Variants in TET1 observed in about 807,000 individuals in gnomAD.
TET1 encodes tet methylcytosine dioxygenase 1.
TET1 carries 13 observed loss-of-function variants against 148.7 expected under a neutral mutation model. That is an observed-to-expected ratio of 0.09 (90% CI 0.06 to 0.14). TET1 has a LOEUF of 0.14. Ranked by LOEUF, TET1 falls within the 10% of genes least tolerant of loss-of-function variation. The pLI, the probability that TET1 is intolerant of heterozygous loss-of-function variation, is 1.00. For missense variants in TET1, 2,182 were observed against 2,553.8 expected (o/e 0.85, Z 3.14); for synonymous variants, 907 against 937.2 (o/e 0.97, Z 0.59).
Position 68,645,420 on chromosome 10 carries a change from G to T in TET1, c.2691G>T (p.Leu897=). 5 of 1,613,978 alleles carry T rather than the reference G, an allele frequency of 3.1e-6. No individual in the cohort carries two copies. Among genetic ancestry groups the T allele is most frequent in the Non-Finnish European group, 4.2e-6 (5 of 1,180,030 alleles). The change falls in exon 4 of 12, where the codon CTG becomes CTT. Residue 897 remains leucine (L), a synonymous_variant. Transcript: ENST00000373644. Reference sequence around the variant, plus strand: ...AGCAAGTGGTAGCCATAGAGGCCCTGACTCAACTCTCAGAAGCCCCATCAG... The same window carrying T: ...AGCAAGTGGTAGCCATAGAGGCCCTTACTCAACTCTCAGAAGCCCCATCAG... ...TLEQVVAIEA[L]TQLSEAPSEN...
chr10:68,652,733 G>A (rs753286205), intron 6 of TET1, 139 bp downstream of exon 6: 12 of 576,856 alleles, frequency 2.1e-5, no homozygotes, highest in South Asian at 5.5e-5. Flanking sequence ...TTGTCGCCCC[G>A]GCTGGATTGC....
At chr10:68,632,455 T>C in intron 3 of TET1, 1 of 1,612,574 alleles carries the variant, frequency 6.2e-7, no homozygotes, top group Non-Finnish European at 8.5e-7. Context: ...AAATACTCCC[T>C]GCGCCCGGCA....
chr10:68,567,325 T>C (rs1160744052), intron 1 of TET1, among the ~76,000 whole-genome samples: 1 of 152,104 alleles, frequency 6.6e-6, no homozygotes, highest in Non-Finnish European at 1.5e-5. Context: ...GACATGAAAC[T>C]AAACAGTGGG....
At chr10:68,617,323 C>T (rs1180840391) in intron 3 of TET1, among the ~76,000 whole-genome samples, 1 of 151,790 alleles carries the variant, frequency 6.6e-6, no homozygotes, top group African/African-American at 2.4e-5. Context: ...CGCGCCTGGC[C>T]AATTTTTAAA....
chr10:68,580,639 G>T (rs12241884), intron 2 of TET1, among the ~76,000 whole-genome samples: 44,534 of 151,024 alleles, frequency 0.29, 7,769 homozygotes, highest in Middle Eastern at 0.42. Context: ...AAAATTAGCC[G>T]GGTGTGGTGG....
At chr10:68,612,499 G>A (rs1448982901) in intron 3 of TET1, among the ~76,000 whole-genome samples, 1 of 152,128 alleles carries the variant, frequency 6.6e-6, no homozygotes, top group Non-Finnish European at 1.5e-5. Flanking sequence ...TTTGAGACCA[G>A]CCTGGGCAAC....
rs576755447 is a variant in TET1, at chr10:68,639,718, G to A, written c.1969-4980G>A. On this transcript the variant is annotated intron_variant, in intron 3 of 11. Coordinates refer to ENST00000373644, the MANE Select transcript of TET1 (RefSeq NM_030625.3). ...TGCTGGAGTCAAGTCTGCCTGCCAC[G>A]GCCTTCCAAAGTGCTGGGAATACAG... is the stretch of plus-strand genomic sequence containing the variant. Among the ~76,000 whole-genome samples, 23 of 152,126 alleles carry A rather than the reference G, an allele frequency of 1.5e-4. No individual in the cohort carries two copies. The South Asian group carries it at 4.4e-3, about 29-fold the overall frequency.
intron 1 of TET1, among the ~76,000 whole-genome samples, chr10:68,569,166 CTTTTTTT>C (rs34385747): frequency 2.3e-4 from 16 of 69,762 alleles, no homozygotes; most frequent in Middle Eastern, 0.012. Flanking sequence ...AGGAGAGTTT[CTTTTTTT>C]TTTTTTTTTT....
At position 68,574,192 on chromosome 10, in the gene TET1, C is replaced by T. The variant is rs778956029; in HGVS notation, c.1854C>T (p.Ile618=). The T allele has an allele frequency of 4.5e-5, 73 of 1,613,422 alleles. No homozygotes were observed. The highest frequency in any genetic ancestry group is 6.1e-5 in the Non-Finnish European group (72 of 1,180,026). ...AGAACAGAAAGAACAGCCATCAGAT[C>T]TGTAAGAAAAGAAAATGTGAGGAGC... The part of the protein sequence containing the change: ...YCKNRKNSHQ[I]CKKRKCEELK... The change falls in exon 2 of 12, where the codon ATC becomes ATT. Residue 618 remains isoleucine, a synonymous_variant. Coordinates refer to ENST00000373644, the MANE Select transcript of TET1 (RefSeq NM_030625.3).
chr10:68,589,510 C>T (rs2053895437), intron 2 of TET1, among the ~76,000 whole-genome samples: 1 of 150,920 alleles, frequency 6.6e-6, no homozygotes, highest in Non-Finnish European at 1.5e-5. Context: ...CACTGTGTTG[C>T]CCAGGCTGGT....
rs528496112 is a variant in TET1 at position 68,563,281 on chromosome 10, C to G, written c.-123+2539C>G. On this transcript the variant is annotated intron_variant, in intron 1 of 11. Transcript: ENST00000373644. ...ACATGTGCCGAGGGCTCTCACACTT[C>G]CTGTGGTAGAAAACTATCTAGGAAC... Among the ~76,000 whole-genome samples the G allele has an allele frequency of 6.8e-4, 104 of 152,332 alleles. 1 individual carries two copies. The South Asian group carries it at 0.01, about 15-fold the overall frequency.
chr10:68,645,657 C>T lies in TET1; in HGVS notation c.2928C>T (p.Thr976=), dbSNP rs376519596. 6 of 1,614,158 alleles carry T rather than the reference C, an allele frequency of 3.7e-6. No homozygotes were observed. Among genetic ancestry groups the T allele is most frequent in the Non-Finnish European group, 5.1e-6 (6 of 1,180,028 alleles). Residue 976 remains threonine (T), a synonymous_variant, in exon 4 of 12, where the codon ACC becomes ACT. Coordinates refer to ENST00000373644, the MANE Select transcript of TET1 (RefSeq NM_030625.3). ...NTVVFNGQTT[T]LSNSHINSAT... ...TGGTTTTCAATGGGCAAACTACTAC[C>T]CTTTCCAACTCACATATCAACTCAG...
chr10:68,640,540 CTTTCTTTTTT>C (rs2054731342), intron 3 of TET1, among the ~76,000 whole-genome samples: 1 of 73,614 alleles, frequency 1.4e-5, no homozygotes, highest in Non-Finnish European at 2.7e-5. Context: ...TTCTTTCTTT[CTTTCTTTTTT>C]TTTTTTTTTT....
chr10:68,583,891 CAG>C (rs1290898311), intron 2 of TET1, among the ~76,000 whole-genome samples: 1 of 151,618 alleles, frequency 6.6e-6, no homozygotes, highest in Non-Finnish European at 1.5e-5. Flanking sequence ...AGTCTGGCGA[CAG>C]AGACTCTGTC....
intron 2 of TET1, among the ~76,000 whole-genome samples, chr10:68,592,332 A>G (rs2053928142): frequency 7.1e-6 from 1 of 140,550 alleles, no homozygotes. Flanking sequence ...AAGAAAAAAC[A>G]AAAAACAAAA....
At chr10:68,589,029 G>A (rs1484069556) in intron 2 of TET1, among the ~76,000 whole-genome samples, 1 of 152,024 alleles carries the variant, frequency 6.6e-6, no homozygotes, top group Admixed American at 6.6e-5. Flanking sequence ...ACGCTGAGGC[G>A]AGAGGATTGC....
intron 1 of TET1, among the ~76,000 whole-genome samples, chr10:68,566,990 T>G (rs1307306137): frequency 6.6e-6 from 1 of 152,154 alleles, no homozygotes; most frequent in African/African-American, 2.4e-5. Context: ...TCTTTTGTAT[T>G]AAACATGAAG....
intron 2 of TET1, 96 bp from the exon 3 acceptor site, chr10:68,600,885 A>T (rs2054046460): frequency 2.1e-6 from 2 of 930,924 alleles, no homozygotes; most frequent in Non-Finnish European, 3.4e-6. Context: ...AAATGGTATA[A>T]ATAGTTTTAC....
At chr10:68,594,980 CA>C (rs71019034) in intron 2 of TET1, among the ~76,000 whole-genome samples, 61,041 of 108,476 alleles carry the variant, frequency 0.56, 14,051 homozygotes, top group Middle Eastern at 0.66. Context: ...GACACCATCT[CA>C]AAAAAAAAAA....
Sources: allele counts gnomAD v4.1 joint callset (sites outside exome capture counted in the v4.1 genomes callset), GRCh38; gene constraint gnomAD v4.1.1; transcripts MANE v1.5; gene names NCBI Gene and HGNC (gene_info 2026-07-23, HGNC 2026-07-21).